ZP3: variants seen among roughly 807,000 people sequenced by gnomAD.
ZP3 encodes zona pellucida sperm-binding protein 3.
ZP3 carries 21 observed loss-of-function variants against 35.6 expected under a neutral mutation model. That is an observed-to-expected ratio of 0.59 (90% CI 0.42 to 0.85). The LOEUF (loss-of-function observed/expected upper bound fraction) is 0.85, where lower values mean the gene tolerates loss of function less well. Ranked by LOEUF, ZP3 falls within the 40% of genes least tolerant of loss-of-function variation. The pLI is 0.00. For missense variants in ZP3, 437 were observed against 536.5 expected, an observed-to-expected ratio of 0.81 and a Z score of 1.83; for synonymous variants, 207 against 214.5, an observed-to-expected ratio of 0.96 and a Z score of 0.31.
intron 1 of ZP3, among the ~76,000 whole-genome samples, chr7:76,412,294 C>G (rs563294495): frequency 9.9e-5 from 15 of 151,978 alleles, no homozygotes; most frequent in Admixed American, 9.2e-4. Context: ...AAAAGCTAGT[C>G]TTAAAGCTCA....
At chr7:76,437,522 G>T in intron 5 of ZP3, among the ~76,000 whole-genome samples, 1 of 124,876 alleles carries the variant, frequency 8.0e-6, no homozygotes, top group Non-Finnish European at 1.6e-5. Context: ...TGTCACTCTT[G>T]TTGCCCAGGC....
upstream of ZP3, among the ~76,000 whole-genome samples, chr7:76,421,927 T>C (rs1259848937): frequency 6.6e-6 from 1 of 152,012 alleles, no homozygotes; most frequent in Non-Finnish European, 1.5e-5. Context: ...GACAGAGTGT[T>C]GCTCTGTTAC....
chr7:76,419,945 G>A (rs1805466797), intron 1 of ZP3, among the ~76,000 whole-genome samples: 1 of 151,918 alleles, frequency 6.6e-6, no homozygotes. Context: ...GGGATTACAG[G>A]CGCGCGACAC....
chr7:76,399,819 C>T (rs566219671), intron 1 of ZP3, among the ~76,000 whole-genome samples: 5 of 152,244 alleles, frequency 3.3e-5, no homozygotes, highest in East Asian at 1.9e-4. Flanking sequence ...CCACCATGCC[C>T]GGCTGATTGT....
intron 2 of ZP3, among the ~76,000 whole-genome samples, chr7:76,430,453 C>T (rs144767986): frequency 1.9e-3 from 283 of 152,004 alleles, no homozygotes; most frequent in South Asian, 6.4e-3. Context: ...TAAGATGATG[C>T]GGCCAGGTAT....
chr7:76,415,668 T>C (rs892697591), intron 1 of ZP3, among the ~76,000 whole-genome samples: 4 of 150,804 alleles, frequency 2.7e-5, no homozygotes, highest in African/African-American at 9.7e-5. Flanking sequence ...TAATTATTTT[T>C]GTATTTTTAG....
At chr7:76,423,808 G>C (rs1452155827), upstream of ZP3, among the ~76,000 whole-genome samples, 1 of 151,872 alleles carries the variant, frequency 6.6e-6, no homozygotes, top group Non-Finnish European at 1.5e-5. Flanking sequence ...GCTGCAGTGA[G>C]CTGAGATTGC....
chr7:76,433,134 G>GTTGGTTTTGT (rs1805883562), intron 3 of ZP3, 104 bp downstream of exon 3: 1 of 474,344 alleles, frequency 2.1e-6, no homozygotes, highest in African/African-American at 2.6e-5. Flanking sequence ...TTTGGTTTTG[G>GTTGGTTTTGT]TTGGTTTTGG....
upstream of ZP3, among the ~76,000 whole-genome samples, chr7:76,423,029 A>AGAGAGAGAGAGAGAGAGAGAG (rs767704641): frequency 1.1e-4 from 6 of 55,584 alleles, no homozygotes; most frequent in Admixed American, 4.0e-4. Context: ...GAGAGAGAGA[A>AGAGAGAGAGAGAGAGAGAGAG]AGAAAGAAAG....
rs750697733 is a variant in ZP3 at position 76,397,708 on chromosome 7, G to A, written c.-156G>A. 27 of 1,613,330 alleles carry A rather than the reference G, an allele frequency of 1.7e-5. 1 individual carries two copies. In the South Asian group the frequency reaches 2.7e-4, roughly 16 times the overall value. On this transcript the variant is annotated 5_prime_UTR_variant, in exon 1 of 9. Transcript: ENST00000336517. The stretch of plus-strand genomic sequence containing the variant: ...CCGCCCCGCAGCCCAGCTGACGACA[G>A]ACCACAGCGGCATCCGGCAGCCCCC...
chr7:76,429,535 G>A lies in ZP3; in HGVS notation c.333G>A (p.Val111=), dbSNP rs142750355. ...TCCAGGTAACTGACGATGCCCTGGTGTACAGCACCTTCCTGCTCCATGACC... is the reference window on the plus strand; with the variant it reads ...TCCAGGTAACTGACGATGCCCTGGTATACAGCACCTTCCTGCTCCATGACC... The part of the protein sequence containing the change: ...NSMQVTDDAL[V]YSTFLLHDPR... The change falls in exon 2 of 8, where the codon GTG becomes GTA. Residue 111 remains valine, a synonymous_variant. Coordinates refer to ENST00000394857, the MANE Select transcript of ZP3 (RefSeq NM_001110354.2). 2.0e-4 allele frequency: 324 copies of A among 1,613,958 alleles called. No homozygotes were observed. Among genetic ancestry groups the A allele is most frequent in the Admixed American group, 3.5e-4 (21 of 59,978 alleles).
At chr7:76,425,543 C>T (rs1437286336) in intron 1 of ZP3, among the ~76,000 whole-genome samples, 1 of 152,148 alleles carries the variant, frequency 6.6e-6, no homozygotes, top group Non-Finnish European at 1.5e-5. Context: ...CACTCTCTCT[C>T]AGGTGGGTTT....
At chr7:76,426,202 C>T (rs553283120) in intron 1 of ZP3, among the ~76,000 whole-genome samples, 1 of 152,210 alleles carries the variant, frequency 6.6e-6, no homozygotes, top group East Asian at 1.9e-4. Flanking sequence ...GGGGGAGAGG[C>T]TTAACCTGTG....
intron 5 of ZP3, among the ~76,000 whole-genome samples, chr7:76,438,492 T>C (rs1441245228): frequency 1.5e-5 from 2 of 133,960 alleles, no homozygotes; most frequent in Admixed American, 9.0e-5. Flanking sequence ...TCGGAGGTAG[T>C]GGCTACAGTG....
chr7:76,432,592 A>G (rs1805863623), intron 2 of ZP3, among the ~76,000 whole-genome samples: 1 of 152,146 alleles, frequency 6.6e-6, no homozygotes, highest in Non-Finnish European at 1.5e-5. Flanking sequence ...CTGGGATTAC[A>G]GGCATGAGCC....
chr7:76,412,322 T>C (rs1047045841), intron 1 of ZP3, among the ~76,000 whole-genome samples: 5 of 152,142 alleles, frequency 3.3e-5, no homozygotes, highest in African/African-American at 9.7e-5. Flanking sequence ...TATGATTCCG[T>C]TTATAAAACA....
chr7:76,439,131 CAAAAA>C (rs775953355), intron 5 of ZP3, among the ~76,000 whole-genome samples: 1 of 75,438 alleles, frequency 1.3e-5, no homozygotes, highest in Admixed American at 1.6e-4. Context: ...GACTCCACCT[CAAAAA>C]AAAAAAAAAA....
chr7:76,426,592 A>G (rs562217285), intron 1 of ZP3, among the ~76,000 whole-genome samples: 7 of 152,206 alleles, frequency 4.6e-5, no homozygotes, highest in African/African-American at 7.2e-5. Context: ...GAATTATTCC[A>G]GTTTAGAGGC....
chr7:76,423,027 GAAAGAAAGAAAGAA>G (rs760517698), upstream of ZP3, among the ~76,000 whole-genome samples: 503 of 68,770 alleles, frequency 7.3e-3, 13 homozygotes, highest in East Asian at 0.014. Context: ...GAGAGAGAGA[GAAAGAAAGAAAGAA>G]AGAAAGAAAG....
Sources: gnomAD v4.1 joint callset for allele counts (sites outside exome capture counted in the v4.1 genomes callset) on GRCh38, gnomAD v4.1.1 for gene constraint, MANE v1.5 for transcripts, NCBI Gene and HGNC (gene_info 2026-07-23, HGNC 2026-07-21) for gene names.